CSNK1G1: variants seen among roughly 807,000 people sequenced by gnomAD.
CSNK1G1 encodes casein kinase I isoform gamma-1.
Under a neutral mutation model 59.6 loss-of-function variants are expected in CSNK1G1, and 22 were observed. The ratio of observed to expected loss-of-function variants is 0.37; its 90% CI spans 0.26 to 0.53. The LOEUF is 0.53. Among genes scored for constraint, CSNK1G1 ranks in the 20% least tolerant of loss-of-function variants. CSNK1G1 has a pLI of 0.89. For missense variants in CSNK1G1, 384 were observed against 519.5 expected (o/e 0.74, Z 2.54); for synonymous variants, 179 against 177.1 (o/e 1.01, Z -0.08).
At chr15:64,254,126 C>G (rs1892240908) in intron 3 of CSNK1G1, among the ~76,000 whole-genome samples, 2 of 151,134 alleles carry the variant, frequency 1.3e-5, no homozygotes, top group South Asian at 4.2e-4. Flanking sequence ...GGCGACAGAG[C>G]AAGACTCCGT....
intron 4 of CSNK1G1, among the ~76,000 whole-genome samples, chr15:64,222,581 T>C (rs1390667872): frequency 6.6e-6 from 1 of 151,658 alleles, no homozygotes; most frequent in East Asian, 1.9e-4. Context: ...CTCACCTCCA[T>C]ATTTTATGAA....
In CSNK1G1 at chr15:64,300,396, G is replaced by A; in HGVS notation, c.104C>T (p.Ser35Phe). ...CSRPSGSSSSSGVLMVGPNFR... is the reference protein window; with the variant it reads ...CSRPSGSSSSFGVLMVGPNFR... ...GTTGGGTCCCACCATAAGAACCCCA[G>A]AGGACGATGAGGAGCCAGATGGTCG... The change falls in exon 2 of 12, where the codon TCT becomes TTT. Residue 35 changes from serine (S) to phenylalanine (F), a missense_variant. Around this residue, in one of 3 missense-constraint regions of CSNK1G1, gnomAD observed 56 missense variants for 60.8 expected, o/e 0.92. Coordinates refer to ENST00000303052, the MANE Select transcript of CSNK1G1 (RefSeq NM_022048.5). The A allele has an allele frequency of 1.2e-6, 2 of 1,614,152 alleles. No individual in the cohort carries two copies. The highest frequency in any genetic ancestry group is 1.7e-6 in the Non-Finnish European group (2 of 1,180,032).
chr15:64,265,744 A>T (rs1282257804), intron 2 of CSNK1G1: 1 of 454,370 alleles, frequency 2.2e-6, no homozygotes, highest in Admixed American at 2.4e-5. Context: ...TACCAACAAA[A>T]GAAACTGAAG....
At chr15:64,196,793 T>A (rs1486901032) in intron 10 of CSNK1G1, among the ~76,000 whole-genome samples, 1 of 149,294 alleles carries the variant, frequency 6.7e-6, no homozygotes, top group Non-Finnish European at 1.5e-5. Flanking sequence ...GCTCTGTGTG[T>A]GTTTTTTTTT....
At chr15:64,234,624 C>T (rs1361231618) in intron 4 of CSNK1G1, among the ~76,000 whole-genome samples, 1 of 152,210 alleles carries the variant, frequency 6.6e-6, no homozygotes, top group Non-Finnish European at 1.5e-5. Context: ...CTTTAACAAT[C>T]TCAAGATGTT....
chr15:64,192,078 G>C (rs1390668836), intron 10 of CSNK1G1, among the ~76,000 whole-genome samples: 1 of 152,216 alleles, frequency 6.6e-6, no homozygotes, highest in Non-Finnish European at 1.5e-5. Flanking sequence ...TGTGTACACA[G>C]GAGTTATGAT....
intron 1 of CSNK1G1, among the ~76,000 whole-genome samples, chr15:64,324,030 C>T (rs746392714): frequency 2.0e-4 from 31 of 152,284 alleles, no homozygotes; most frequent in Non-Finnish European, 3.5e-4. Flanking sequence ...CTATAATTCT[C>T]ACTTCACAGA....
rs991207840 is a variant in CSNK1G1, at chr15:64,264,605, C to T, written c.182-5364G>A. On this transcript the variant is annotated intron_variant, in intron 2 of 11. Transcript: ENST00000303052. ...TACAGGCCAATATCCCTGATGAAAA[C>T]AGAGGCACAAATCGTCAACAAAATA... 6.2e-4 allele frequency among the ~76,000 whole-genome samples: 95 copies of T among 152,174 alleles called. 1 individual carries two copies. Among genetic ancestry groups the T allele is most frequent in the Non-Finnish European group, 1.9e-4 (13 of 68,026 alleles).
In CSNK1G1 at chr15:64,216,496, A is replaced by G; in HGVS notation, c.444+66T>C. The stretch of plus-strand genomic sequence containing the variant: ...TGTTGCTACGGCTAGTAAATCACCA[A>G]AAGGCCCACAAGGATGTGGCTGAGG... On this transcript the variant is annotated intron_variant, in intron 5 of 11. Transcript: ENST00000303052. The surrounding 1 kb of genome is among the most constrained non-coding windows in gnomAD (Gnocchi z 4.6). 1 of 1,502,216 alleles carries G rather than the reference A, an allele frequency of 6.7e-7. No homozygotes were observed. The highest frequency in any genetic ancestry group is 9.2e-7 in the Non-Finnish European group (1 of 1,088,454). 93.1% of individuals were successfully genotyped at this position (1,502,216 alleles called of 1,614,324 possible).
chr15:64,333,430 T>G (rs1361639316), intron 1 of CSNK1G1, among the ~76,000 whole-genome samples: 2 of 1,440 alleles, frequency 1.4e-3, no homozygotes, highest in Non-Finnish European at 9.3e-3. Flanking sequence ...TGAGACACCA[T>G]CTCAAAAAAA....
intron 1 of CSNK1G1, among the ~76,000 whole-genome samples, chr15:64,322,106 A>G (rs142989031): frequency 8.6e-4 from 131 of 152,228 alleles, no homozygotes; most frequent in African/African-American, 3.0e-3. Context: ...AGTAGTAAAT[A>G]TCTTTTGCCT....
chr15:64,182,079 T>TGA (rs869279973), intron 10 of CSNK1G1, among the ~76,000 whole-genome samples: 1 of 140,520 alleles, frequency 7.1e-6, no homozygotes, highest in Non-Finnish European at 1.5e-5. Flanking sequence ...TTTTTTTTTT[T>TGA]GAGAGAGAGA....
Position 64,307,779 on chromosome 15 carries a change from C to T in CSNK1G1, c.-224-7056G>A, listed in dbSNP as rs983230169. Among the ~76,000 whole-genome samples the T allele has an allele frequency of 8.5e-5, 13 of 152,282 alleles. No individual in the cohort carries two copies. In the East Asian group the frequency reaches 1.4e-3, roughly 16 times the overall value. The stretch of plus-strand genomic sequence containing the variant: ...TCGGCTCACTGCAAGCTCCGTCTCC[C>T]GGGTTCACGCCATTCTCCTGCCTCA... On this transcript the variant is annotated intron_variant, in intron 1 of 11. Transcript: ENST00000303052.
chr15:64,216,343 T>C lies in CSNK1G1; in HGVS notation c.444+219A>G, dbSNP rs2082311507. On this transcript the variant is annotated intron_variant, in intron 5 of 11. Coordinates refer to ENST00000303052, the MANE Select transcript of CSNK1G1 (RefSeq NM_022048.5). The surrounding 1 kb of genome is among the most constrained non-coding windows in gnomAD (Gnocchi z 4.6). ...TTCCTCTTCAGTTAAGGGCAGAGCA[T>C]TGCTCCAAGGTGCAAAGTCTTAAAA... 6.6e-6 allele frequency among the ~76,000 whole-genome samples: 1 copy of C among 152,214 alleles called. No homozygotes were observed. The highest frequency in any genetic ancestry group is 1.5e-5 in the Non-Finnish European group (1 of 68,034).
At chr15:64,279,536 G>T (rs956089456) in intron 2 of CSNK1G1, among the ~76,000 whole-genome samples, 1 of 151,990 alleles carries the variant, frequency 6.6e-6, no homozygotes, top group African/African-American at 2.4e-5. Context: ...TACTGTTGAT[G>T]GACATTTGGG....
intron 3 of CSNK1G1, among the ~76,000 whole-genome samples, chr15:64,255,605 T>C (rs1320122222): frequency 1.3e-5 from 2 of 152,216 alleles, no homozygotes; most frequent in Non-Finnish European, 2.9e-5. Flanking sequence ...CAAAACTTAC[T>C]TTTCTCAGGC....
At chr15:64,317,666 T>C (rs576387709) in intron 1 of CSNK1G1, among the ~76,000 whole-genome samples, 26 of 152,282 alleles carry the variant, frequency 1.7e-4, no homozygotes, top group African/African-American at 6.3e-4. Context: ...CCACCTAATT[T>C]TTAAATTCTT....
intron 1 of CSNK1G1, among the ~76,000 whole-genome samples, chr15:64,319,621 T>G (rs533537059): frequency 6.6e-6 from 1 of 152,270 alleles, no homozygotes; most frequent in East Asian, 1.9e-4. Context: ...TCTCGCTCAC[T>G]GCAACCTCTG....
chr15:64,349,486 A>G (rs1898164752), intron 1 of CSNK1G1, among the ~76,000 whole-genome samples: 1 of 152,020 alleles, frequency 6.6e-6, no homozygotes, highest in Non-Finnish European at 1.5e-5. Flanking sequence ...TAGCACCCCA[A>G]CCCCCACTAT....
Sources: gnomAD v4.1 joint callset for allele counts (sites outside exome capture counted in the v4.1 genomes callset) on GRCh38, gnomAD v4.1.1 for gene constraint, gnomAD v4.1.1 regional missense constraint, Gnocchi (gnomAD v3.1) non-coding constraint, MANE v1.5 for transcripts, NCBI Gene and HGNC (gene_info 2026-07-23, HGNC 2026-07-21) for gene names.